DRC8: variants seen among roughly 807,000 people sequenced by gnomAD.
DRC8 encodes dynein regulatory complex subunit 8.
chr1:244,977,858 A>G, the DRC8 span, among the ~76,000 whole-genome samples: 1 of 152,214 alleles, frequency 6.6e-6, no homozygotes, highest in South Asian at 2.1e-4. Flanking sequence ...AATGGGGCAT[A>G]CAAAATAAAT....
chr1:245,110,560 C>T, the DRC8 span, among the ~76,000 whole-genome samples: 1 of 152,276 alleles, frequency 6.6e-6, no homozygotes, highest in African/African-American at 2.4e-5. Context: ...AGAACATTAA[C>T]TCTAATGGAC....
At chr1:245,076,470 C>T in the DRC8 span, among the ~76,000 whole-genome samples, 1 of 152,140 alleles carries the variant, frequency 6.6e-6, no homozygotes, top group Non-Finnish European at 1.5e-5. Context: ...ATTTACTTTT[C>T]ATACCTAGTA....
At chr1:245,014,062 GA>G in the DRC8 span, among the ~76,000 whole-genome samples, 2 of 127,284 alleles carry the variant, frequency 1.6e-5, no homozygotes, top group Non-Finnish European at 3.4e-5. Flanking sequence ...CAAAAAAAAA[GA>G]AAAAAAGAAA....
chr1:245,105,193 A>G, the DRC8 span, among the ~76,000 whole-genome samples: 2 of 152,220 alleles, frequency 1.3e-5, no homozygotes, highest in South Asian at 4.1e-4. Context: ...GCCTTCCTTC[A>G]GGAGGTAACA....
At chr1:245,058,346 T>C in the DRC8 span, among the ~76,000 whole-genome samples, 1 of 152,198 alleles carries the variant, frequency 6.6e-6, no homozygotes, top group Non-Finnish European at 1.5e-5. Flanking sequence ...ACATGTTTTG[T>C]TGGCCCTTCA....
chr1:245,077,616 C>T, the DRC8 span, among the ~76,000 whole-genome samples: 7 of 152,136 alleles, frequency 4.6e-5, no homozygotes, highest in East Asian at 3.9e-4. Flanking sequence ...CAAGAATACA[C>T]GATAGGGAAA....
At chr1:245,072,459 A>G in the DRC8 span, among the ~76,000 whole-genome samples, 1 of 152,024 alleles carries the variant, frequency 6.6e-6, no homozygotes, top group Non-Finnish European at 1.5e-5. Flanking sequence ...GCTGAGCTCA[A>G]ACTCCTGGCC....
At chr1:244,995,190 G>A in the DRC8 span, among the ~76,000 whole-genome samples, 21 of 151,902 alleles carry the variant, frequency 1.4e-4, no homozygotes, top group South Asian at 6.2e-4. Flanking sequence ...GCGAAACCCC[G>A]TCTCTACTAA....
the DRC8 span, among the ~76,000 whole-genome samples, chr1:245,077,965 G>A: frequency 1.8e-4 from 28 of 152,058 alleles, no homozygotes; most frequent in African/African-American, 6.7e-4. Flanking sequence ...CATTTGACAA[G>A]GGATTAATAT....
At chr1:245,102,464 C>G in the DRC8 span, among the ~76,000 whole-genome samples, 1 of 152,150 alleles carries the variant, frequency 6.6e-6, no homozygotes, top group African/African-American at 2.4e-5. Flanking sequence ...ATCCTCCTGC[C>G]TCAGCCTCCC....
the DRC8 span, chr1:245,087,029 C>A: frequency 1.5e-6 from 1 of 661,348 alleles, no homozygotes; most frequent in Non-Finnish European, 2.6e-6. Context: ...TCTATGACAT[C>A]TGCAGGCTAA....
At chr1:245,103,728 G>A in the DRC8 span, among the ~76,000 whole-genome samples, 1 of 152,314 alleles carries the variant, frequency 6.6e-6, no homozygotes, top group East Asian at 1.9e-4. Flanking sequence ...TCAGGAGAGG[G>A]GACCGGAGGA....
chr1:244,994,683 C>T, the DRC8 span, among the ~76,000 whole-genome samples: 2 of 152,188 alleles, frequency 1.3e-5, no homozygotes, highest in South Asian at 2.1e-4. Context: ...CGGCCTCAGC[C>T]TCCCAAAGTG....
At chr1:245,090,815 C>T in the DRC8 span, among the ~76,000 whole-genome samples, 1 of 152,040 alleles carries the variant, frequency 6.6e-6, no homozygotes, top group African/African-American at 2.4e-5. Flanking sequence ...ATACCTGTCC[C>T]AGTGTAATTA....
chr1:244,976,923 TGTG>T, the DRC8 span, among the ~76,000 whole-genome samples: 1 of 152,144 alleles, frequency 6.6e-6, no homozygotes, highest in Admixed American at 6.5e-5. Flanking sequence ...ACAAACCAAA[TGTG>T]GTATATACGT....
the DRC8 span, among the ~76,000 whole-genome samples, chr1:245,086,218 C>G: frequency 6.6e-6 from 1 of 152,180 alleles, no homozygotes; most frequent in African/African-American, 2.4e-5. Flanking sequence ...TACAAACCTT[C>G]CACATATATG....
the DRC8 span, among the ~76,000 whole-genome samples, chr1:245,081,124 T>C: frequency 6.7e-6 from 1 of 149,458 alleles, no homozygotes; most frequent in Admixed American, 6.7e-5. Context: ...TTTTATTTTA[T>C]TTTATTATTT....
At chr1:245,070,137 G>A in the DRC8 span, among the ~76,000 whole-genome samples, 2 of 152,156 alleles carry the variant, frequency 1.3e-5, no homozygotes, top group African/African-American at 2.4e-5. Flanking sequence ...TTGAGTATTT[G>A]CAGATTTTGG....
the DRC8 span, among the ~76,000 whole-genome samples, chr1:245,008,670 C>CTT: frequency 0.14 from 19,914 of 139,266 alleles, 1,541 homozygotes; most frequent in East Asian, 0.24. Context: ...TGTTCTCACA[C>CTT]TTTTTTTTTT....
Sources: gnomAD v4.1 joint callset for allele counts (sites outside exome capture counted in the v4.1 genomes callset) on GRCh38, gnomAD v4.1.1 for gene constraint, MANE v1.5 for transcripts, NCBI Gene and HGNC (gene_info 2026-07-23, HGNC 2026-07-21) for gene names.